The following TTC34 variants were observed in gnomAD, a reference collection of about 807,000 sequenced individuals.
TTC34 encodes tetratricopeptide repeat protein 34.
Under a neutral mutation model 40.7 loss-of-function variants are expected in TTC34, and 44 were observed. The observed-to-expected ratio is 1.08, with a 90% CI of 0.85 to 1.39. The LOEUF (loss-of-function observed/expected upper bound fraction) is 1.39, where lower values mean the gene tolerates loss of function less well. Among genes scored for constraint, TTC34 ranks in the 40% most tolerant of loss-of-function variants. The pLI is 0.00. For synonymous variants in TTC34, 422 were observed against 398.6 expected (o/e 1.06, Z -0.70); for missense variants, 884 against 838.0 (o/e 1.05, Z -0.68).
chr1:2,776,118 C>T (rs929896525), intron 6 of TTC34: 9 of 137,766 alleles, frequency 6.5e-5, no homozygotes, highest in African/African-American at 2.5e-4. Context: ...GGAAAAAGCT[C>T]CCCGCCCTCA....
At chr1:2,684,800 C>A (rs1254225330) in intron 6 of TTC34, among the ~76,000 whole-genome samples, 5 of 130,922 alleles carry the variant, frequency 3.8e-5, no homozygotes, top group South Asian at 2.4e-4. Context: ...CCCACACCCC[C>A]AGGTGAGCAT....
chr1:2,651,681 C>G (rs1266730836), intron 6 of TTC34, among the ~76,000 whole-genome samples: 1 of 151,842 alleles, frequency 6.6e-6, no homozygotes. Context: ...ACCCCCACAC[C>G]CAGGTGAGCA....
chr1:2,785,355 C>T (rs965811733), intron 5 of TTC34, among the ~76,000 whole-genome samples: 2 of 151,932 alleles, frequency 1.3e-5, no homozygotes, highest in South Asian at 2.1e-4. Context: ...AGACACCTGG[C>T]CCCCCAACCC....
chr1:2,793,627 G>A (rs921000413), intron 2 of TTC34, among the ~76,000 whole-genome samples: 17 of 152,060 alleles, frequency 1.1e-4, no homozygotes, highest in Admixed American at 3.9e-4. Context: ...CCTGGGATTC[G>A]CTTTTTTGCA....
chr1:2,769,441 C>G (rs1641955001), intron 6 of TTC34, among the ~76,000 whole-genome samples: 1 of 47,298 alleles, frequency 2.1e-5, no homozygotes, highest in Non-Finnish European at 3.8e-5. Context: ...AGGTGAGCAT[C>G]TGACAGCCTG....
intron 6 of TTC34, among the ~76,000 whole-genome samples, chr1:2,756,566 A>G (rs1641512254): frequency 6.6e-6 from 1 of 151,756 alleles, no homozygotes; most frequent in Admixed American, 6.5e-5. Context: ...AGCATCTGAC[A>G]GCCTGAAGCA....
At chr1:2,756,819 AC>A (rs1641522652) in intron 6 of TTC34, among the ~76,000 whole-genome samples, 2 of 151,564 alleles carry the variant, frequency 1.3e-5, no homozygotes, top group Non-Finnish European at 2.9e-5. Context: ...CTGGAGCAGA[AC>A]CCACACCCCG....
At chr1:2,644,720 G>C (rs1638983769) in intron 7 of TTC34, among the ~76,000 whole-genome samples, 1 of 152,352 alleles carries the variant, frequency 6.6e-6, no homozygotes, top group Non-Finnish European at 1.5e-5. Flanking sequence ...ACAAGGGGCT[G>C]CTTTCTCTCC....
chr1:2,753,537 C>A (rs1276302952), intron 6 of TTC34, among the ~76,000 whole-genome samples: 1 of 94,472 alleles, frequency 1.1e-5, no homozygotes, highest in Non-Finnish European at 1.9e-5. Context: ...GCACCCACAC[C>A]CCCATGTGAG....
At chr1:2,768,358 C>G (rs1423710627) in intron 6 of TTC34, among the ~76,000 whole-genome samples, 2 of 151,890 alleles carry the variant, frequency 1.3e-5, no homozygotes, top group African/African-American at 4.8e-5. Context: ...CCTGGGGACG[C>G]GTGGAAAACC....
exon 3 of TTC34, chr1:2,789,710 A>G (rs1378514593): frequency 1.9e-6 from 2 of 1,075,844 alleles, no homozygotes; most frequent in Admixed American, 8.4e-5. Context: ...GACATAGTCC[A>G]GCGTGCCCAG....
chr1:2,641,679 C>T lies in TTC34; in HGVS notation c.2929G>A (p.Ala977Thr), dbSNP rs754725215. 8.5e-6 allele frequency: 13 copies of T among 1,535,354 alleles called. No individual in the cohort carries two copies. In the Admixed American group the frequency reaches 2.4e-4, roughly 28 times the overall value. ...CGACCCTGACGGCAGAAGTCCTCTG[C>T]CCGCCTTGGGAGGTCACCATCCCCC... The change falls in exon 9 of 9, where the codon GCA becomes ACA. Residue 977 changes from alanine to threonine, a missense_variant. Coordinates refer to ENST00000401095, the Ensembl canonical transcript of TTC34.
rs61765701 is a variant in TTC34, at chr1:2,690,717, G to A, written c.2227-45154C>T. 9.6e-5 allele frequency among the ~76,000 whole-genome samples: 8 copies of A among 83,168 alleles called. 3 individuals carry two copies. The allele number at this position is 83,168 out of a possible 152,430, so 54.6% of individuals were successfully genotyped here. A position where few individuals can be genotyped will look rare whatever the true frequency, so the allele number is the denominator to read the frequency against. On this transcript the variant is annotated intron_variant, in intron 6 of 8. Transcript: ENST00000401095. The stretch of plus-strand genomic sequence containing the variant: ...ACCCCACATCCCCGGGTGAGCATGC[G>A]ATAGCCTGGAGCAGCACCCACACCC...
At chr1:2,638,747 G>A (rs1638838321) in exon 9 of TTC34, 1 of 152,374 alleles carries the variant, frequency 6.6e-6, no homozygotes, top group African/African-American at 2.4e-5. Context: ...TGGTCCTGGA[G>A]AAACTACCTC....
At chr1:2,699,252 C>A (rs1178090602) in intron 6 of TTC34, among the ~76,000 whole-genome samples, 10 of 150,378 alleles carry the variant, frequency 6.6e-5, no homozygotes, top group South Asian at 4.2e-4. Flanking sequence ...CACCCATACC[C>A]CAAGGCGAGC....
intron 6 of TTC34, among the ~76,000 whole-genome samples, chr1:2,752,861 G>T (rs1171660324): frequency 0.03 from 3,582 of 119,942 alleles, 22 homozygotes; most frequent in African/African-American, 0.04. Context: ...ACACACCCAG[G>T]CGAGCATCTG....
chr1:2,684,986 C>A (rs1227572377), intron 6 of TTC34, among the ~76,000 whole-genome samples: 3 of 128,944 alleles, frequency 2.3e-5, no homozygotes, highest in African/African-American at 3.3e-5. Flanking sequence ...CAGCTTAGAA[C>A]AGCACCCATA....
At chr1:2,687,493 C>A (rs1225085068) in intron 6 of TTC34, among the ~76,000 whole-genome samples, 3 of 113,440 alleles carry the variant, frequency 2.6e-5, no homozygotes, top group Non-Finnish European at 5.2e-5. Context: ...CACACTCAGG[C>A]GAGCATCTGA....
intron 6 of TTC34, among the ~76,000 whole-genome samples, chr1:2,650,402 C>T (rs1557583024): frequency 6.6e-6 from 1 of 151,976 alleles, no homozygotes; most frequent in Non-Finnish European, 1.5e-5. Context: ...ATCTGACAGC[C>T]TGGAACAGCA....
Sources: allele counts gnomAD v4.1 joint callset (sites outside exome capture counted in the v4.1 genomes callset), GRCh38; gene constraint gnomAD v4.1.1; transcripts MANE v1.5; gene names NCBI Gene and HGNC (gene_info 2026-07-23, HGNC 2026-07-21).